MICAL3: variants seen among roughly 807,000 people sequenced by gnomAD.
MICAL3 encodes microtubule associated monooxygenase, calponin and LIM domain containing 3.
In MICAL3, 62 loss-of-function variants were observed where a neutral mutation model predicts 207.4. The observed-to-expected ratio is 0.30, with a 90% CI of 0.24 to 0.37. The LOEUF is 0.37. Among genes scored for constraint, MICAL3 ranks in the 10% least tolerant of loss-of-function variants. The pLI is 1.00. For synonymous variants in MICAL3, 1,077 were observed against 1,069.3 expected (o/e 1.01, Z -0.14); for missense variants, 2,368 against 2,635.6 (o/e 0.90, Z 2.22).
intron 29 of MICAL3, among the ~76,000 whole-genome samples, chr22:17,792,838 C>T (rs190023039): frequency 3.9e-5 from 6 of 152,356 alleles, no homozygotes; most frequent in East Asian, 1.9e-4. Context: ...AGGGGACCAG[C>T]GCTCTCCTCA....
intron 1 of MICAL3, among the ~76,000 whole-genome samples, chr22:17,929,568 C>CTTTTTTTTTT (rs67222681): frequency 2.6e-4 from 28 of 108,896 alleles, no homozygotes; most frequent in East Asian, 7.5e-4. Flanking sequence ...CTTTTCTTTT[C>CTTTTTTTTTT]TTTTTTTTTT....
intron 1 of MICAL3, among the ~76,000 whole-genome samples, chr22:17,916,076 A>AAAC (rs1569131716): frequency 1.3e-5 from 2 of 150,870 alleles, no homozygotes; most frequent in African/African-American, 4.9e-5. Context: ...AAAAAAAAAA[A>AAAC]AAAACCCAAA....
Position 17,899,278 on chromosome 22 carries a change from C to T in MICAL3, c.948+170G>A, listed in dbSNP as rs528520353. The T allele has an allele frequency of 1.3e-5, 9 of 688,882 alleles. No homozygotes were observed. In the Admixed American group the frequency reaches 1.6e-4, roughly 12 times the overall value. The allele number at this position is 688,882 out of a possible 1,614,324, so 42.7% of individuals were successfully genotyped here. A position where few individuals can be genotyped will look rare whatever the true frequency, so the allele number is the denominator to read the frequency against. ...CGTTTTTATTTACATTTGAAATTAG[C>T]CATAGTTAAGAGTTGTTCACGCTAA... On this transcript the variant is annotated intron_variant, in intron 7 of 31. Coordinates refer to ENST00000441493, the MANE Select transcript of MICAL3 (RefSeq NM_015241.3).
chr22:17,862,468 G>C, intron 19 of MICAL3: 1 of 569,058 alleles, frequency 1.8e-6, no homozygotes, highest in Non-Finnish European at 2.2e-6. Flanking sequence ...CACTGTGTTA[G>C]CCAGGATGGT....
intron 19 of MICAL3, chr22:17,863,675 A>C (rs1926761948): frequency 1.0e-6 from 1 of 985,274 alleles, no homozygotes; most frequent in Non-Finnish European, 1.2e-6. Context: ...CTGGGTTCTC[A>C]TGGCTCCCAG....
chr22:17,861,253 GC>G (rs1354369461), intron 19 of MICAL3: 4 of 985,404 alleles, frequency 4.1e-6, no homozygotes, highest in Non-Finnish European at 4.8e-6. Flanking sequence ...TTTCCTAAAG[GC>G]CCATTCAGGA....
At chr22:17,937,186 C>A (rs1602251670) in intron 1 of MICAL3, among the ~76,000 whole-genome samples, 1 of 152,186 alleles carries the variant, frequency 6.6e-6, no homozygotes, top group South Asian at 2.1e-4. Context: ...GGTAAATTAC[C>A]TGCTTTATCT....
In MICAL3 at chr22:17,841,887, C is replaced by T; in HGVS notation, c.2736G>A (p.Glu912=). ...QAEALQEVPE[E]TQAEHNLSSV... is the part of the protein sequence containing the mutation. ...TGCTCAGGTTGTGCTCGGCCTGAGTCTCCTCCGGTACCTCCTGCAGTGCCT... is the reference window on the plus strand; with the variant it reads ...TGCTCAGGTTGTGCTCGGCCTGAGTTTCCTCCGGTACCTCCTGCAGTGCCT... The change falls in exon 20 of 32, where the codon GAG becomes GAA. Residue 912 remains glutamate (E), a synonymous_variant. Transcript: ENST00000441493. The surrounding 1 kb of genome is among the most constrained non-coding windows in gnomAD (Gnocchi z 4.2). The T allele has an allele frequency of 6.3e-7, 1 of 1,582,548 alleles. No homozygotes were observed.
intron 29 of MICAL3, among the ~76,000 whole-genome samples, chr22:17,798,731 T>C (rs1006414211): frequency 4.8e-5 from 7 of 146,116 alleles, no homozygotes; most frequent in Non-Finnish European, 7.4e-5. Context: ...TGGAGTGCAG[T>C]GGCGCGATCT....
chr22:17,825,569 G>A (rs1458914134), intron 22 of MICAL3, among the ~76,000 whole-genome samples: 1 of 152,172 alleles, frequency 6.6e-6, no homozygotes, highest in Non-Finnish European at 1.5e-5. Context: ...GTGTGTGCCT[G>A]TTTCTCCCAC....
chr22:17,928,353 G>C (rs975186993), intron 1 of MICAL3, among the ~76,000 whole-genome samples: 13 of 151,980 alleles, frequency 8.6e-5, no homozygotes, highest in Admixed American at 7.2e-4. Flanking sequence ...GCAGGAGAAT[G>C]GCGTGAACCC....
intron 1 of MICAL3, among the ~76,000 whole-genome samples, chr22:17,950,166 A>ATTTTTTTTTTTTTT (rs10657913): frequency 3.5e-5 from 5 of 144,012 alleles, no homozygotes; most frequent in African/African-American, 1.1e-4. Flanking sequence ...ACAGCTGTCT[A>ATTTTTTTTTTTTTT]TTTTTTTTTT....
At chr22:18,022,734 T>G (rs1389407094) in intron 1 of MICAL3, among the ~76,000 whole-genome samples, 1 of 152,122 alleles carries the variant, frequency 6.6e-6, no homozygotes, top group East Asian at 1.9e-4. Context: ...CAGCCCCCTC[T>G]TCTGCTTTCT....
intron 29 of MICAL3, among the ~76,000 whole-genome samples, chr22:17,807,529 C>G (rs2145981602): frequency 6.6e-6 from 1 of 152,302 alleles, no homozygotes; most frequent in South Asian, 2.1e-4. Context: ...CAGGTGAGCC[C>G]AAACCAAGAA....
intron 17 of MICAL3, among the ~76,000 whole-genome samples, chr22:17,867,245 G>GT (rs1233609221): frequency 3.9e-5 from 6 of 152,118 alleles, no homozygotes; most frequent in South Asian, 2.1e-4. Context: ...CAGACAGAAT[G>GT]TTTCACTGGC....
At chr22:17,827,872 C>A in intron 21 of MICAL3, 91 bp from the exon 22 acceptor site, 1 of 1,378,726 alleles carries the variant, frequency 7.3e-7, no homozygotes, top group Non-Finnish European at 9.8e-7. Flanking sequence ...GAAGTTACAG[C>A]ATTGGCCAGG....
chr22:17,974,836 G>A (rs1163302741), intron 1 of MICAL3, among the ~76,000 whole-genome samples: 1 of 151,698 alleles, frequency 6.6e-6, no homozygotes, highest in African/African-American at 2.4e-5. Flanking sequence ...TGTGCATGCT[G>A]TTCTCTTGAA....
chr22:17,985,971 A>G (rs1310999127), intron 1 of MICAL3, among the ~76,000 whole-genome samples: 1 of 152,142 alleles, frequency 6.6e-6, no homozygotes, highest in Non-Finnish European at 1.5e-5. Flanking sequence ...CAGTGGCAGC[A>G]ATCTCGGCTC....
chr22:17,874,782 GCA>G (rs1457391738), intron 16 of MICAL3, among the ~76,000 whole-genome samples: 1 of 152,080 alleles, frequency 6.6e-6, no homozygotes, highest in African/African-American at 2.4e-5. Flanking sequence ...AGTAGGAGCG[GCA>G]AAGAGACCTT....
Sources: gnomAD v4.1 joint callset for allele counts (sites outside exome capture counted in the v4.1 genomes callset) on GRCh38, gnomAD v4.1.1 for gene constraint, Gnocchi (gnomAD v3.1) non-coding constraint, MANE v1.5 for transcripts, NCBI Gene and HGNC (gene_info 2026-07-23, HGNC 2026-07-21) for gene names.